Variants in SH3KBP1 observed in about 807,000 individuals in gnomAD.
The protein encoded by SH3KBP1 is SH3 domain containing kinase binding protein 1.
In SH3KBP1, 8 loss-of-function variants were observed where a neutral mutation model predicts 50.1. The ratio of observed to expected loss-of-function variants is 0.16; its 90% CI spans 0.09 to 0.29. The LOEUF (loss-of-function observed/expected upper bound fraction) is 0.29, where lower values mean the gene tolerates loss of function less well. Among genes scored for constraint, SH3KBP1 ranks in the 10% least tolerant of loss-of-function variants. SH3KBP1 has a pLI of 1.00. For synonymous variants in SH3KBP1, 227 were observed against 218.6 expected, an observed-to-expected ratio of 1.04 and a Z score of -0.34; for missense variants, 377 against 535.2, an observed-to-expected ratio of 0.70 and a Z score of 2.92.
chrX:19,581,532 G>A (rs980060084), intron 12 of SH3KBP1, among the ~76,000 whole-genome samples: 1 of 111,745 alleles, frequency 8.9e-6, no homozygotes, highest in African/African-American at 3.3e-5. Context: ...AAGCAAAGAG[G>A]TCTTTTCTAA....
intron 1 of SH3KBP1, among the ~76,000 whole-genome samples, chrX:19,874,022 C>T (rs2069151460): frequency 1.2e-5 from 1 of 84,042 alleles, no homozygotes; most frequent in Admixed American, 1.4e-4. Context: ...GCACTCCAGC[C>T]GGGGCAACAG....
intron 8 of SH3KBP1, among the ~76,000 whole-genome samples, chrX:19,623,042 CAAAAAAAA>C (rs773914815): frequency 6.3e-4 from 14 of 22,244 alleles, no homozygotes; most frequent in Admixed American, 1.6e-3. Flanking sequence ...CACTCTGACT[CAAAAAAAA>C]AAAAAAAAAA....
At chrX:19,710,987 C>T (rs11094775) in intron 3 of SH3KBP1, among the ~76,000 whole-genome samples, 37,997 of 110,532 alleles carry the variant, frequency 0.34, 8,758 homozygotes, top group African/African-American at 0.84. Flanking sequence ...TTACATATGC[C>T]ACCCCATTTA....
At chrX:19,818,636 T>A (rs1343591926) in intron 2 of SH3KBP1, among the ~76,000 whole-genome samples, 1 of 111,756 alleles carries the variant, frequency 8.9e-6, no homozygotes, top group Non-Finnish European at 1.9e-5. Context: ...TGAATGGCGT[T>A]GAATTTTGTC....
At chrX:19,697,524 G>A (rs1240325200) in intron 4 of SH3KBP1, among the ~76,000 whole-genome samples, 3 of 111,807 alleles carry the variant, frequency 2.7e-5, no homozygotes, top group Non-Finnish European at 5.6e-5. Flanking sequence ...TAGGGGCTGC[G>A]GGACATAGAA....
intron 6 of SH3KBP1, among the ~76,000 whole-genome samples, chrX:19,680,425 T>C (rs1291883245): frequency 9.7e-6 from 1 of 103,382 alleles, no homozygotes; most frequent in African/African-American, 3.6e-5. Flanking sequence ...GAACGAAAAG[T>C]ATAATATGAT....
chrX:19,862,822 TC>T (rs992812889), intron 1 of SH3KBP1, among the ~76,000 whole-genome samples: 5 of 112,006 alleles, frequency 4.5e-5, no homozygotes, highest in African/African-American at 9.8e-5. Context: ...AAACAAGCAC[TC>T]CAGGGATGGT....
intron 1 of SH3KBP1, among the ~76,000 whole-genome samples, chrX:19,873,012 G>T (rs2069103518): frequency 9.2e-6 from 1 of 108,622 alleles, no homozygotes; most frequent in Admixed American, 9.9e-5. Flanking sequence ...CATCATCAGG[G>T]GCCAGTCCAG....
chrX:19,644,484 C>G (rs907197891), intron 7 of SH3KBP1, among the ~76,000 whole-genome samples: 1 of 111,782 alleles, frequency 8.9e-6, no homozygotes, highest in African/African-American at 3.3e-5. Context: ...AATATATACA[C>G]TTACTATGTA....
chrX:19,568,974 C>A, intron 13 of SH3KBP1, 129 bp downstream of exon 13: 1 of 559,942 alleles, frequency 1.8e-6, no homozygotes, highest in East Asian at 3.3e-5. Flanking sequence ...ACACCTAAAG[C>A]CAAGCAAGGG....
At chrX:19,566,583 C>G (rs977777135) in intron 13 of SH3KBP1, among the ~76,000 whole-genome samples, 1 of 111,521 alleles carries the variant, frequency 9.0e-6, no homozygotes, top group Non-Finnish European at 1.9e-5. Flanking sequence ...GGCCCAAATA[C>G]GAAACTGCGG....
chrX:19,656,711 C>T (rs2062287703), intron 6 of SH3KBP1, among the ~76,000 whole-genome samples: 1 of 111,838 alleles, frequency 8.9e-6, no homozygotes, highest in Admixed American at 9.5e-5. Flanking sequence ...AGGTGTCTCT[C>T]AGTGCTCTGA....
At position 19,573,158 on chromosome X, in the gene SH3KBP1, G is replaced by GAA. The variant is rs774720382; in HGVS notation, c.1299-3972_1299-3971dup. 1.4e-4 allele frequency among the ~76,000 whole-genome samples: 16 copies of GAA among 112,136 alleles called. No individual in the cohort carries two copies. In the South Asian group the frequency reaches 5.5e-3, roughly 39 times the overall value. On this transcript the variant is annotated intron_variant, in intron 12 of 17. Coordinates refer to ENST00000397821, the MANE Select transcript of SH3KBP1 (RefSeq NM_031892.3). ...GCTGTTCAGTATGATCACATCTACG[G>GAA]AAAACTGGTGAAAAACAAACAAAAT...
chrX:19,778,328 G>A (rs1300334552), intron 2 of SH3KBP1, among the ~76,000 whole-genome samples: 2 of 108,233 alleles, frequency 1.8e-5, no homozygotes, highest in Non-Finnish European at 3.8e-5. Flanking sequence ...CTACTTGGGA[G>A]GCTGAGGCAG....
At chrX:19,727,427 G>T (rs918332962) in intron 3 of SH3KBP1, among the ~76,000 whole-genome samples, 1 of 112,441 alleles carries the variant, frequency 8.9e-6, no homozygotes, top group Non-Finnish European at 1.9e-5. Flanking sequence ...TTGTCTGTTT[G>T]TGTCTGGTTT....
intron 1 of SH3KBP1, among the ~76,000 whole-genome samples, chrX:19,873,669 C>CA (rs1043309673): frequency 3.8e-5 from 4 of 104,263 alleles, no homozygotes; most frequent in Non-Finnish European, 7.8e-5. Context: ...AAGACTCTAT[C>CA]AAAAAAAATA....
At chrX:19,721,212 G>T (rs766167830) in intron 3 of SH3KBP1, among the ~76,000 whole-genome samples, 3 of 111,189 alleles carry the variant, frequency 2.7e-5, no homozygotes, top group Non-Finnish European at 5.7e-5. Context: ...AACCCCTTAA[G>T]CAGAGGTCCT....
chrX:19,882,956 T>C (rs1034232413), intron 1 of SH3KBP1, among the ~76,000 whole-genome samples: 4 of 112,101 alleles, frequency 3.6e-5, no homozygotes, highest in African/African-American at 1.3e-4. Flanking sequence ...AGTAGGAGTA[T>C]GTCTTTCTCC....
At chrX:19,814,563 T>C (rs1678652828) in intron 2 of SH3KBP1, among the ~76,000 whole-genome samples, 1 of 111,852 alleles carries the variant, frequency 8.9e-6, no homozygotes, top group African/African-American at 3.3e-5. Flanking sequence ...CCCTCCTCCA[T>C]AGGGCCTTTG....
Sources: allele counts gnomAD v4.1 joint callset (sites outside exome capture counted in the v4.1 genomes callset), GRCh38; gene constraint gnomAD v4.1.1; transcripts MANE v1.5; gene names NCBI Gene and HGNC (gene_info 2026-07-23, HGNC 2026-07-21).